The following GALNT16 variants were observed in gnomAD, a reference collection of about 807,000 sequenced individuals.
GALNT16 encodes UDP-GalNAc:polypeptide N-acetylgalactosaminyltransferase-like protein 1.
Under a neutral mutation model 76.1 loss-of-function variants are expected in GALNT16, and 40 were observed. The observed-to-expected ratio is 0.53, with a 90% CI of 0.41 to 0.68. GALNT16 has a LOEUF of 0.68. Among genes scored for constraint, GALNT16 ranks in the 30% least tolerant of loss-of-function variants. The pLI is 0.00. For synonymous variants in GALNT16, 276 were observed against 285.2 expected (o/e 0.97, Z 0.32); for missense variants, 621 against 731.9 (o/e 0.85, Z 1.75).
the GALNT16 span, among the ~76,000 whole-genome samples, chr14:69,362,910 C>T: frequency 1.1e-4 from 17 of 152,196 alleles, no homozygotes; most frequent in African/African-American, 3.6e-4. Context: ...GCACCTACTT[C>T]GTTCCTGAGT....
At chr14:69,297,642 A>AC (rs2044786985) in intron 1 of GALNT16, among the ~76,000 whole-genome samples, 1 of 151,456 alleles carries the variant, frequency 6.6e-6, no homozygotes, top group South Asian at 2.1e-4. Context: ...AAAAAAAAAA[A>AC]CAAACTACAA....
chr14:69,292,655 G>A lies in GALNT16; in HGVS notation c.178-28056G>A, dbSNP rs564495221. The stretch of plus-strand genomic sequence containing the variant: ...TTTCTCTGTTCTCTGGGGAGATGGA[G>A]AATCATTCCCTCCTACCCACAATAA... On this transcript the variant is annotated intron_variant, in intron 1 of 14. Coordinates refer to ENST00000448469, the MANE Select transcript of GALNT16 (RefSeq NM_001168368.2). Among the ~76,000 whole-genome samples, 66 of 152,372 alleles carry A rather than the reference G, an allele frequency of 4.3e-4. No homozygotes were observed. In the South Asian group the frequency reaches 8.1e-3, roughly 19 times the overall value.
chr14:69,343,757 C>T lies in GALNT16; in HGVS notation c.1271+1993C>T, dbSNP rs2045524734. Among the ~76,000 whole-genome samples the T allele has an allele frequency of 5.3e-5, 8 of 152,288 alleles. No homozygotes were observed. In the South Asian group the frequency reaches 1.7e-3, roughly 32 times the overall value. Reference sequence around the variant, plus strand: ...AGAGTGGGGGAGGCCTGGGAATGCCCTTCCTCTCCAACCTCAGTGCCCTGC... The same window carrying T: ...AGAGTGGGGGAGGCCTGGGAATGCCTTTCCTCTCCAACCTCAGTGCCCTGC... On this transcript the variant is annotated intron_variant, in intron 12 of 14. Coordinates refer to ENST00000448469, the MANE Select transcript of GALNT16 (RefSeq NM_001168368.2).
Position 69,335,720 on chromosome 14 carries a change from C to T in GALNT16, c.967+2120C>T, listed in dbSNP as rs867261402. Among the ~76,000 whole-genome samples the T allele has an allele frequency of 4.6e-5, 7 of 152,160 alleles. No homozygotes were observed. In the South Asian group the frequency reaches 1.2e-3, roughly 27 times the overall value. On this transcript the variant is annotated intron_variant, in intron 9 of 14. Transcript: ENST00000448469. Reference sequence around the variant, plus strand: ...TAGCTGCAGTGCTCAGACGTTCAGCCGCTGGGACCAGTTTTGAGCTATGAG... The same window carrying T: ...TAGCTGCAGTGCTCAGACGTTCAGCTGCTGGGACCAGTTTTGAGCTATGAG...
At chr14:69,283,545 G>A (rs1348787953) in intron 1 of GALNT16, among the ~76,000 whole-genome samples, 1 of 152,172 alleles carries the variant, frequency 6.6e-6, no homozygotes, top group East Asian at 1.9e-4. Context: ...GTGCCAGGGA[G>A]CTTTTCCAAG....
At chr14:69,351,786 A>AG in intron 14 of GALNT16, 1 of 384,540 alleles carries the variant, frequency 2.6e-6, no homozygotes, top group Non-Finnish European at 4.7e-6. Flanking sequence ...GGTGGCATGC[A>AG]GGTGTAGTCC....
intron 11 of GALNT16, among the ~76,000 whole-genome samples, chr14:69,341,244 C>T (rs72722188): frequency 0.021 from 3,214 of 152,236 alleles, 46 homozygotes; most frequent in Non-Finnish European, 0.031. Flanking sequence ...ATGGCGGTGT[C>T]CCAAGGACAC....
At chr14:69,347,259 A>T (rs1225131698) in intron 13 of GALNT16, 78 bp downstream of exon 13, 5 of 1,355,514 alleles carry the variant, frequency 3.7e-6, no homozygotes. Flanking sequence ...ACTTCCCCCT[A>T]CTCATTCTCC....
At chr14:69,372,778 G>T in the GALNT16 span, among the ~76,000 whole-genome samples, 1 of 152,154 alleles carries the variant, frequency 6.6e-6, no homozygotes, top group Admixed American at 6.5e-5. Flanking sequence ...GTATCAAGCA[G>T]GACTTTGATC....
intron 1 of GALNT16, among the ~76,000 whole-genome samples, chr14:69,313,900 G>A (rs1260171722): frequency 1.3e-5 from 2 of 152,218 alleles, no homozygotes; most frequent in Non-Finnish European, 1.5e-5. Flanking sequence ...TGGGAACGGG[G>A]TCAGAGGAGA....
At chr14:69,351,580 G>A (rs45536240) in intron 14 of GALNT16, 27,933 of 153,454 alleles carry the variant, frequency 0.18, 2,666 homozygotes, top group South Asian at 0.26. Flanking sequence ...CAGGATGGGG[G>A]CAGCCTCTTA....
chr14:69,326,895 C>G (rs1288901860), intron 5 of GALNT16, among the ~76,000 whole-genome samples: 1 of 152,180 alleles, frequency 6.6e-6, no homozygotes, highest in Non-Finnish European at 1.5e-5. Flanking sequence ...GGGCCCAACC[C>G]AAAGGCCAGC....
intron 6 of GALNT16, among the ~76,000 whole-genome samples, chr14:69,329,440 C>T (rs545929387): frequency 5.7e-4 from 87 of 152,278 alleles, no homozygotes; most frequent in Non-Finnish European, 1.0e-3. Flanking sequence ...GGAAAAGATG[C>T]TCAGCATCAT....
chr14:69,271,148 A>T (rs1457888372), intron 1 of GALNT16, among the ~76,000 whole-genome samples: 1 of 152,200 alleles, frequency 6.6e-6, no homozygotes, highest in Non-Finnish European at 1.5e-5. Flanking sequence ...GACATGGCTC[A>T]TCGCTGGATG....
chr14:69,308,664 T>C (rs975738861), intron 1 of GALNT16, among the ~76,000 whole-genome samples: 5 of 152,200 alleles, frequency 3.3e-5, no homozygotes, highest in African/African-American at 1.2e-4. Context: ...CCTAGAAATA[T>C]AAGGTGACCA....
chr14:69,303,650 A>G (rs2044886048), intron 1 of GALNT16, among the ~76,000 whole-genome samples: 1 of 145,702 alleles, frequency 6.9e-6, no homozygotes, highest in Non-Finnish European at 1.5e-5. Flanking sequence ...ATCACCCATA[A>G]TCTTCCCATC....
the GALNT16 span, among the ~76,000 whole-genome samples, chr14:69,377,877 A>C: frequency 6.6e-6 from 1 of 151,466 alleles, no homozygotes; most frequent in South Asian, 2.1e-4. Context: ...TAGTAACATT[A>C]ATCAATTTAT....
the GALNT16 span, among the ~76,000 whole-genome samples, chr14:69,385,107 G>A: frequency 1.3e-5 from 2 of 152,068 alleles, no homozygotes; most frequent in Non-Finnish European, 2.9e-5. Flanking sequence ...CCCAATTAAA[G>A]CTCATGGTCA....
intron 12 of GALNT16, among the ~76,000 whole-genome samples, chr14:69,342,721 C>T (rs1457682287): frequency 6.6e-6 from 1 of 152,134 alleles, no homozygotes; most frequent in Non-Finnish European, 1.5e-5. Flanking sequence ...GCTGTAGTTA[C>T]CTGGGAATAT....
Sources: allele counts gnomAD v4.1 joint callset (sites outside exome capture counted in the v4.1 genomes callset), GRCh38; gene constraint gnomAD v4.1.1; transcripts MANE v1.5; gene names NCBI Gene and HGNC (gene_info 2026-07-23, HGNC 2026-07-21).